SLC35F1: variants seen among roughly 807,000 people sequenced by gnomAD.
The protein encoded by SLC35F1 is chromosome 6 open reading frame 169.
SLC35F1 carries 14 observed loss-of-function variants against 48.7 expected under a neutral mutation model. The observed-to-expected ratio is 0.29, with a 90% CI of 0.19 to 0.45. The LOEUF is 0.45. SLC35F1 is among the 20% of genes least tolerant of loss of function. SLC35F1 has a pLI of 1.00. For synonymous variants in SLC35F1, 190 were observed against 202.2 expected, an observed-to-expected ratio of 0.94 and a Z score of 0.51; for missense variants, 404 against 500.0, an observed-to-expected ratio of 0.81 and a Z score of 1.83.
chr6:118,125,512 C>G (rs1773612371), intron 1 of SLC35F1, among the ~76,000 whole-genome samples: 1 of 152,162 alleles, frequency 6.6e-6, no homozygotes, highest in Non-Finnish European at 1.5e-5. Context: ...GAACTAGGCT[C>G]TAACTGGCCC....
intron 1 of SLC35F1, among the ~76,000 whole-genome samples, chr6:118,094,335 T>C (rs1194534138): frequency 6.6e-6 from 1 of 152,128 alleles, no homozygotes; most frequent in Non-Finnish European, 1.5e-5. Flanking sequence ...ATGTGATAAG[T>C]AAATGATGTA....
At chr6:117,936,461 A>G (rs768379142) in intron 1 of SLC35F1, among the ~76,000 whole-genome samples, 9 of 152,064 alleles carry the variant, frequency 5.9e-5, no homozygotes, top group Non-Finnish European at 1.2e-4. Context: ...CTGAATTTTG[A>G]GTGTCTCAGA....
chr6:118,041,989 C>T (rs1441142688), intron 1 of SLC35F1, among the ~76,000 whole-genome samples: 3 of 151,844 alleles, frequency 2.0e-5, no homozygotes, highest in East Asian at 1.9e-4. Context: ...TATGCTATTG[C>T]ACACATAGCT....
chr6:118,156,155 T>C (rs899356942), intron 2 of SLC35F1, among the ~76,000 whole-genome samples: 2 of 152,172 alleles, frequency 1.3e-5, no homozygotes, highest in Non-Finnish European at 2.9e-5. Flanking sequence ...GTTATTGACG[T>C]TGAATCTCAG....
intron 1 of SLC35F1, among the ~76,000 whole-genome samples, chr6:117,987,043 T>A (rs1016810935): frequency 6.6e-6 from 1 of 152,188 alleles, no homozygotes; most frequent in African/African-American, 2.4e-5. Context: ...GTTGAAGGGA[T>A]GCTTCTTACA....
intron 1 of SLC35F1, among the ~76,000 whole-genome samples, chr6:118,010,262 A>G (rs1562263346): frequency 6.6e-6 from 1 of 152,194 alleles, no homozygotes; most frequent in Non-Finnish European, 1.5e-5. Flanking sequence ...TTTGACACAA[A>G]TGTTCCATTT....
chr6:118,149,643 C>T (rs940500289), intron 1 of SLC35F1, among the ~76,000 whole-genome samples: 4 of 152,264 alleles, frequency 2.6e-5, no homozygotes, highest in African/African-American at 7.2e-5. Context: ...TCATTCCTTC[C>T]GGTTTTACAT....
At chr6:117,958,839 C>T (rs1582585745) in intron 1 of SLC35F1, among the ~76,000 whole-genome samples, 1 of 152,366 alleles carries the variant, frequency 6.6e-6, no homozygotes, top group East Asian at 1.9e-4. Flanking sequence ...TTTTACATCT[C>T]ACTTCGTTGA....
At chr6:118,257,023 T>G (rs778884013) in intron 3 of SLC35F1, among the ~76,000 whole-genome samples, 5 of 152,202 alleles carry the variant, frequency 3.3e-5, no homozygotes, top group Non-Finnish European at 5.9e-5. Flanking sequence ...AAACAAATTT[T>G]TACATGAACA....
At chr6:117,994,210 C>CG (rs1003540068) in intron 1 of SLC35F1, among the ~76,000 whole-genome samples, 2 of 152,114 alleles carry the variant, frequency 1.3e-5, no homozygotes, top group African/African-American at 4.8e-5. Context: ...TTGCCCCCCC[C>CG]ATCCTCAACA....
At chr6:118,060,060 TA>T (rs1772516778) in intron 1 of SLC35F1, among the ~76,000 whole-genome samples, 1 of 152,210 alleles carries the variant, frequency 6.6e-6, no homozygotes, top group Non-Finnish European at 1.5e-5. Flanking sequence ...TCTTCTATTA[TA>T]AAGATCAAAG....
chr6:117,936,900 T>C (rs77763649), intron 1 of SLC35F1, among the ~76,000 whole-genome samples: 2 of 152,320 alleles, frequency 1.3e-5, no homozygotes, highest in East Asian at 3.9e-4. Context: ...TGTTACTGTT[T>C]TACTTACTGT....
chr6:118,010,541 C>T (rs374187938), intron 1 of SLC35F1, among the ~76,000 whole-genome samples: 5 of 152,026 alleles, frequency 3.3e-5, no homozygotes, highest in African/African-American at 1.2e-4. Context: ...AAGGCTATAT[C>T]AATACATAAA....
At chr6:117,990,703 G>C (rs1776906591) in intron 1 of SLC35F1, among the ~76,000 whole-genome samples, 1 of 152,146 alleles carries the variant, frequency 6.6e-6, no homozygotes, top group Admixed American at 6.5e-5. Flanking sequence ...AAAGAAGGTG[G>C]AGAAGAAGGC....
At chr6:117,986,384 G>C (rs182039140) in intron 1 of SLC35F1, among the ~76,000 whole-genome samples, 1 of 152,336 alleles carries the variant, frequency 6.6e-6, no homozygotes, top group African/African-American at 2.4e-5. Flanking sequence ...AATTGTTCAT[G>C]TCAGACCAAA....
chr6:118,083,948 G>T lies in SLC35F1; in HGVS notation c.174-70497G>T, dbSNP rs541255747. On this transcript the variant is annotated intron_variant, in intron 1 of 7. Transcript: ENST00000360388. ...CCACTCTGCTGTCTCTTTATACACGGACACTTAGCAGTAACACTTTAGAAT... is the reference window on the plus strand; with the variant it reads ...CCACTCTGCTGTCTCTTTATACACGTACACTTAGCAGTAACACTTTAGAAT... Among the ~76,000 whole-genome samples the T allele has an allele frequency of 2.8e-4, 43 of 152,264 alleles. 2 individuals carry two copies. The South Asian group carries it at 8.5e-3, about 30-fold the overall frequency.
chr6:118,309,470 G>T (rs1044432311), intron 7 of SLC35F1, among the ~76,000 whole-genome samples: 8 of 152,154 alleles, frequency 5.3e-5, no homozygotes, highest in African/African-American at 1.9e-4. Flanking sequence ...TTCAATAAAA[G>T]TAGAGCTGAA....
At chr6:118,235,949 G>T (rs1775359589) in intron 3 of SLC35F1, among the ~76,000 whole-genome samples, 1 of 152,038 alleles carries the variant, frequency 6.6e-6, no homozygotes, top group Non-Finnish European at 1.5e-5. Context: ...AAAAAAATTT[G>T]TGGCTTTGAA....
chr6:118,310,675 A>G (rs1020210100), intron 7 of SLC35F1, among the ~76,000 whole-genome samples: 1 of 152,170 alleles, frequency 6.6e-6, no homozygotes, highest in East Asian at 1.9e-4. Flanking sequence ...GTGACTTCCA[A>G]GATACTTCCA....
Sources: gnomAD v4.1 joint callset for allele counts (sites outside exome capture counted in the v4.1 genomes callset) on GRCh38, gnomAD v4.1.1 for gene constraint, MANE v1.5 for transcripts, NCBI Gene and HGNC (gene_info 2026-07-23, HGNC 2026-07-21) for gene names.